The following HHAT variants were observed in gnomAD, a reference collection of about 807,000 sequenced individuals.
HHAT encodes hedgehog acyltransferase.
HHAT carries 47 observed loss-of-function variants against 70.8 expected under a neutral mutation model. The observed-to-expected ratio is 0.66, with a 90% CI of 0.53 to 0.85. The LOEUF is 0.85. HHAT is among the 40% of genes least tolerant of loss of function. The pLI is 0.00. For synonymous variants in HHAT, 228 were observed against 247.6 expected, an observed-to-expected ratio of 0.92 and a Z score of 0.74; for missense variants, 609 against 604.8, an observed-to-expected ratio of 1.01 and a Z score of -0.07.
At chr1:210,544,633 A>C (rs1205371828) in intron 9 of HHAT, among the ~76,000 whole-genome samples, 6 of 152,028 alleles carry the variant, frequency 3.9e-5, no homozygotes, top group African/African-American at 9.7e-5. Flanking sequence ...TCAGCCTCCC[A>C]AAATGCTGGG....
chr1:210,667,938 G>A (rs1287478923), intron 11 of HHAT, among the ~76,000 whole-genome samples: 1 of 152,064 alleles, frequency 6.6e-6, no homozygotes, highest in African/African-American at 2.4e-5. Flanking sequence ...TTGCAAAACT[G>A]AAACTTTATA....
chr1:210,542,600 C>G (rs2095442232), intron 9 of HHAT, among the ~76,000 whole-genome samples: 1 of 151,696 alleles, frequency 6.6e-6, no homozygotes, highest in South Asian at 2.1e-4. Flanking sequence ...GAGTTGAAGA[C>G]TGGCCTGGGC....
At chr1:210,391,533 A>G (rs972717488) in intron 4 of HHAT, among the ~76,000 whole-genome samples, 2 of 152,250 alleles carry the variant, frequency 1.3e-5, no homozygotes, top group Non-Finnish European at 2.9e-5. Context: ...GGATTGGCAT[A>G]TGGAATAAAT....
chr1:210,560,814 TAAAAAAAAAAAAA>T (rs60192211), intron 9 of HHAT, among the ~76,000 whole-genome samples: 3,340 of 28,492 alleles, frequency 0.12, 251 homozygotes, highest in East Asian at 0.44. Flanking sequence ...CCCTGTGTCT[TAAAAAAAAAAAAA>T]AAAAAAAAAA....
At chr1:210,516,990 ATGACTGT>A (rs1168891381) in intron 9 of HHAT, among the ~76,000 whole-genome samples, 3 of 152,162 alleles carry the variant, frequency 2.0e-5, no homozygotes, top group Non-Finnish European at 4.4e-5. Context: ...GTGTTTTGTG[ATGACTGT>A]GGGAAAATTC....
At chr1:210,399,077 C>A (rs2091937198) in intron 4 of HHAT, among the ~76,000 whole-genome samples, 1 of 152,186 alleles carries the variant, frequency 6.6e-6, no homozygotes, top group Non-Finnish European at 1.5e-5. Context: ...TGAAAAAAGT[C>A]TTTGTTTCCA....
chr1:210,568,917 C>T (rs911097216), intron 9 of HHAT, among the ~76,000 whole-genome samples: 2 of 152,128 alleles, frequency 1.3e-5, no homozygotes, highest in Non-Finnish European at 2.9e-5. Context: ...AAATGGGGCT[C>T]AGTTTTGTGG....
intron 6 of HHAT, among the ~76,000 whole-genome samples, chr1:210,412,482 T>C (rs1408637896): frequency 1.3e-5 from 2 of 152,222 alleles, no homozygotes; most frequent in East Asian, 3.8e-4. Context: ...AATCAAGCTC[T>C]GTACACCCAA....
At chr1:210,588,456 C>CT (rs1660970555) in intron 10 of HHAT, 1 of 183,184 alleles carries the variant, frequency 5.5e-6, no homozygotes, top group South Asian at 1.3e-4. Context: ...AAAACAAATG[C>CT]TATTACAGAG....
intron 3 of HHAT, among the ~76,000 whole-genome samples, chr1:210,381,019 C>T (rs946597117): frequency 1.3e-5 from 2 of 151,952 alleles, no homozygotes; most frequent in Non-Finnish European, 2.9e-5. Flanking sequence ...AAAAATATTA[C>T]TTTGGTGCTG....
chr1:210,618,224 C>T (rs1668136575), intron 10 of HHAT, among the ~76,000 whole-genome samples: 1 of 152,164 alleles, frequency 6.6e-6, no homozygotes, highest in Non-Finnish European at 1.5e-5. Flanking sequence ...CTGAGTCCTC[C>T]TGACTTTCAG....
chr1:210,450,587 A>G (rs2093732336), intron 7 of HHAT, among the ~76,000 whole-genome samples: 1 of 148,956 alleles, frequency 6.7e-6, no homozygotes, highest in African/African-American at 2.5e-5. Context: ...CATATCTTTT[A>G]TAATTGGTAC....
At chr1:210,455,919 G>A (rs980819947) in intron 7 of HHAT, among the ~76,000 whole-genome samples, 1 of 152,186 alleles carries the variant, frequency 6.6e-6, no homozygotes, top group East Asian at 1.9e-4. Context: ...AAATAATAAG[G>A]CCCATGAGAG....
Position 210,628,186 on chromosome 1 carries a change from A to AG in HHAT, c.1390+4523dup, listed in dbSNP as rs569310426. ...GGGTAATGAGGAGAAAAAGTATTCA[A>AG]GGGGGGGTGTTTATACACTGGGAAT... On this transcript the variant is annotated intron_variant, in intron 11 of 11. Coordinates refer to ENST00000261458, the MANE Select transcript of HHAT (RefSeq NM_018194.6). 4.0e-3 allele frequency among the ~76,000 whole-genome samples: 610 copies of AG among 152,162 alleles called. 5 individuals are homozygous for AG. The highest frequency in any genetic ancestry group is 0.024 in the South Asian group (114 of 4,802).
intron 9 of HHAT, among the ~76,000 whole-genome samples, chr1:210,542,277 C>T (rs1285271904): frequency 1.3e-5 from 2 of 152,050 alleles, no homozygotes; most frequent in East Asian, 3.9e-4. Flanking sequence ...GGAGGTTGGC[C>T]TCCAACTGCC....
intron 9 of HHAT, among the ~76,000 whole-genome samples, chr1:210,531,162 C>T (rs559629006): frequency 6.6e-6 from 1 of 152,270 alleles, no homozygotes; most frequent in South Asian, 2.1e-4. Context: ...GATGTAGGTA[C>T]TCATCTATCT....
intron 9 of HHAT, among the ~76,000 whole-genome samples, chr1:210,581,111 A>G (rs939823209): frequency 1.3e-5 from 2 of 152,210 alleles, no homozygotes; most frequent in African/African-American, 4.8e-5. Context: ...TTTATTGGTC[A>G]CATAAATGTC....
chr1:210,329,868 T>C (rs2084834150), intron 1 of HHAT, among the ~76,000 whole-genome samples: 2 of 152,204 alleles, frequency 1.3e-5, no homozygotes, highest in African/African-American at 4.8e-5. Context: ...CAGCCTTGCC[T>C]CCTGAGTAGC....
chr1:210,478,032 C>T (rs75811550), intron 8 of HHAT, among the ~76,000 whole-genome samples: 2,043 of 152,270 alleles, frequency 0.013, 53 homozygotes, highest in African/African-American at 0.047. Flanking sequence ...AGGTCCCCTT[C>T]TTGCAGTCTG....
Sources: allele counts gnomAD v4.1 joint callset (sites outside exome capture counted in the v4.1 genomes callset), GRCh38; gene constraint gnomAD v4.1.1; transcripts MANE v1.5; gene names NCBI Gene and HGNC (gene_info 2026-07-23, HGNC 2026-07-21).